CACNA2D3: variants seen among roughly 807,000 people sequenced by gnomAD.
CACNA2D3 encodes calcium voltage-gated channel auxiliary subunit alpha2delta 3.
In CACNA2D3, 60 loss-of-function variants were observed where a neutral mutation model predicts 160.6. That is an observed-to-expected ratio of 0.37 (90% CI 0.30 to 0.46). The LOEUF is 0.46. Among genes scored for constraint, CACNA2D3 ranks in the 20% least tolerant of loss-of-function variants. The probability of loss-of-function intolerance (pLI) is 1.00; values close to 1 mark genes in which losing one functional copy is unlikely to be tolerated. For missense variants in CACNA2D3, 1,205 were observed against 1,365.0 expected, an observed-to-expected ratio of 0.88 and a Z score of 1.85; for synonymous variants, 558 against 492.9, an observed-to-expected ratio of 1.13 and a Z score of -1.75.
At chr3:54,975,319 G>A (rs373908174) in intron 29 of CACNA2D3, among the ~76,000 whole-genome samples, 1 of 152,138 alleles carries the variant, frequency 6.6e-6, no homozygotes, top group Non-Finnish European at 1.5e-5. Flanking sequence ...AGGAGTTTGA[G>A]AGCAGCCTGG....
At position 54,314,330 on chromosome 3, in the gene CACNA2D3, A is replaced by C. The variant is rs1438536862; in HGVS notation, c.205-6112A>C. On this transcript the variant is annotated intron_variant, in intron 2 of 37. Coordinates refer to ENST00000474759, the MANE Select transcript of CACNA2D3 (RefSeq NM_018398.3). ...ATTGATGGGTATTTGGGTTGGTTCC[A>C]CAATTTTCCGATAGCGAATTGTGCC... 1.3e-5 allele frequency among the ~76,000 whole-genome samples: 2 copies of C among 152,214 alleles called. 1 individual carries two copies. The highest frequency in any genetic ancestry group is 4.8e-5 in the African/African-American group (2 of 41,448).
chr3:54,201,631 A>C (rs993187027), intron 2 of CACNA2D3, among the ~76,000 whole-genome samples: 1 of 152,220 alleles, frequency 6.6e-6, no homozygotes, highest in Non-Finnish European at 1.5e-5. Context: ...ACCCCAAATA[A>C]ATTCCAGATA....
At chr3:54,900,669 AAG>A (rs937814479) in intron 27 of CACNA2D3, among the ~76,000 whole-genome samples, 14 of 152,300 alleles carry the variant, frequency 9.2e-5, no homozygotes, top group Admixed American at 8.5e-4. Context: ...GGGTTTACTA[AAG>A]AGAGCGATTT....
At chr3:54,274,769 C>T (rs1484962289) in intron 2 of CACNA2D3, among the ~76,000 whole-genome samples, 1 of 152,208 alleles carries the variant, frequency 6.6e-6, no homozygotes, top group East Asian at 1.9e-4. Context: ...CACGCATGGT[C>T]TGAGGGCTTC....
intron 11 of CACNA2D3, among the ~76,000 whole-genome samples, chr3:54,673,051 C>G (rs928203946): frequency 1.3e-5 from 2 of 152,226 alleles, no homozygotes; most frequent in African/African-American, 4.8e-5. Flanking sequence ...TGAGACTACA[C>G]ATGGGCTTAG....
At chr3:54,125,171 G>A (rs879575008) in intron 2 of CACNA2D3, among the ~76,000 whole-genome samples, 14 of 151,764 alleles carry the variant, frequency 9.2e-5, no homozygotes, top group Admixed American at 2.0e-4. Flanking sequence ...TTTTTTGGTT[G>A]TGCTTTCATA....
At chr3:54,778,401 T>C (rs1702463566) in intron 13 of CACNA2D3, among the ~76,000 whole-genome samples, 1 of 151,918 alleles carries the variant, frequency 6.6e-6, no homozygotes, top group South Asian at 2.1e-4. Context: ...CCGAGACCAC[T>C]GTACCTGCTT....
intron 35 of CACNA2D3, among the ~76,000 whole-genome samples, chr3:55,030,975 A>G (rs755106231): frequency 5.3e-5 from 8 of 152,120 alleles, no homozygotes; most frequent in East Asian, 3.9e-4. Flanking sequence ...TAGTCTCACA[A>G]TTTCCCATTT....
chr3:54,296,272 C>T (rs371959862), intron 2 of CACNA2D3, among the ~76,000 whole-genome samples: 106 of 152,286 alleles, frequency 7.0e-4, no homozygotes, highest in African/African-American at 2.4e-3. Flanking sequence ...AGACCTTTTC[C>T]AGAGGATGTC....
intron 2 of CACNA2D3, among the ~76,000 whole-genome samples, chr3:54,129,212 C>CA (rs1462561064): frequency 2.6e-5 from 4 of 152,172 alleles, no homozygotes; most frequent in Non-Finnish European, 5.9e-5. Flanking sequence ...CCTGTACTTA[C>CA]AGCTCACCCT....
intron 35 of CACNA2D3, among the ~76,000 whole-genome samples, chr3:55,035,843 C>T (rs1231078952): frequency 6.6e-6 from 1 of 152,102 alleles, no homozygotes; most frequent in Non-Finnish European, 1.5e-5. Flanking sequence ...GGCTATGGTT[C>T]TATATGTTAT....
rs1553814532 is a variant in CACNA2D3 at position 54,736,116 on chromosome 3, T to TATAC, written c.1168-16479_1168-16476dup. ...ATATATATACATATATATGTATATA[T>TATAC]ATACATATATATATGTATATATATA... On this transcript the variant is annotated intron_variant, in intron 11 of 37. Coordinates refer to ENST00000474759, the MANE Select transcript of CACNA2D3 (RefSeq NM_018398.3). Among the ~76,000 whole-genome samples, 218 of 32,166 alleles carry TATAC rather than the reference T, an allele frequency of 6.8e-3. 51 individuals carry two copies. The highest frequency in any genetic ancestry group is 0.035 in the Admixed American group (89 of 2,522). 21.1% of individuals were successfully genotyped at this position (32,166 alleles called of 152,430 possible).
At chr3:54,836,226 CTTTTTTT>C (rs71096454) in intron 14 of CACNA2D3, among the ~76,000 whole-genome samples, 3 of 92,704 alleles carry the variant, frequency 3.2e-5, no homozygotes, top group African/African-American at 1.2e-4. Context: ...TTTTTTTTTT[CTTTTTTT>C]TTTTTTTTGT....
chr3:54,822,078 A>G (rs9823683), intron 14 of CACNA2D3, among the ~76,000 whole-genome samples: 1,632 of 152,250 alleles, frequency 0.011, 22 homozygotes, highest in African/African-American at 0.037. Flanking sequence ...TTTTACCTGT[A>G]CTTTGCTTTG....
intron 5 of CACNA2D3, among the ~76,000 whole-genome samples, chr3:54,529,279 G>A (rs1015248349): frequency 5.3e-5 from 8 of 152,138 alleles, no homozygotes; most frequent in African/African-American, 1.7e-4. Context: ...TCATGTTAGC[G>A]GTCTTCAACT....
intron 27 of CACNA2D3, chr3:54,928,114 C>G: frequency 1.8e-6 from 1 of 569,848 alleles, no homozygotes. Context: ...TTGTCTCCAT[C>G]TGGCTGGGAT....
rs774446570 is a variant in CACNA2D3 at position 54,562,903 on chromosome 3, T to C, written c.648T>C (p.Ser216=). 1.2e-6 allele frequency: 2 copies of C among 1,613,846 alleles called. No individual in the cohort carries two copies. The highest frequency in any genetic ancestry group is 1.7e-6 in the Non-Finnish European group (2 of 1,179,772). ...DPSLIWQYFG[S]AKGFFRQYPG... is the part of the protein sequence containing the mutation. ...CTCTCATATGGCAGTACTTTGGAAG[T>C]GCAAAGGGCTTTTTTAGGCAGTATC... The change falls in exon 6 of 38, where the codon AGT becomes AGC. Residue 216 remains serine, a synonymous_variant. Transcript: ENST00000474759.
chr3:54,735,528 A>C (rs1426997152), intron 11 of CACNA2D3, among the ~76,000 whole-genome samples: 2 of 152,208 alleles, frequency 1.3e-5, no homozygotes, highest in African/African-American at 4.8e-5. Flanking sequence ...CTGTTGGTCT[A>C]ATCCATTGTT....
At chr3:54,905,522 T>C (rs1366835944) in intron 27 of CACNA2D3, among the ~76,000 whole-genome samples, 1 of 152,238 alleles carries the variant, frequency 6.6e-6, no homozygotes, top group African/African-American at 2.4e-5. Flanking sequence ...CAAGTCTGCC[T>C]GGATAAACCT....
Sources: gnomAD v4.1 joint callset for allele counts (sites outside exome capture counted in the v4.1 genomes callset) on GRCh38, gnomAD v4.1.1 for gene constraint, MANE v1.5 for transcripts, NCBI Gene and HGNC (gene_info 2026-07-23, HGNC 2026-07-21) for gene names.